The following JADE1 variants were observed in gnomAD, a reference collection of about 807,000 sequenced individuals.
The protein encoded by JADE1 is protein Jade-1.
In JADE1, 14 loss-of-function variants were observed where a neutral mutation model predicts 81.8. The observed-to-expected ratio is 0.17, with a 90% CI of 0.11 to 0.27. JADE1 has a LOEUF of 0.27. Ranked by LOEUF, JADE1 falls within the 10% of genes least tolerant of loss-of-function variation. The probability of loss-of-function intolerance (pLI) is 1.00; values close to 1 mark genes in which losing one functional copy is unlikely to be tolerated. For synonymous variants in JADE1, 353 were observed against 391.9 expected (o/e 0.90, Z 1.17); for missense variants, 690 against 1,047.9 (o/e 0.66, Z 4.71).
intron 5 of JADE1, among the ~76,000 whole-genome samples, chr4:128,851,057 A>G (rs1560760539): frequency 6.6e-6 from 1 of 152,148 alleles, no homozygotes; most frequent in Non-Finnish European, 1.5e-5. Context: ...CAGCCTCCCA[A>G]GTAGCTGGGA....
chr4:128,845,089 G>A (rs1729756480), intron 3 of JADE1, among the ~76,000 whole-genome samples: 1 of 152,238 alleles, frequency 6.6e-6, no homozygotes, highest in Non-Finnish European at 1.5e-5. Context: ...CTTTGGGCTG[G>A]TCCTGATGTC....
At chr4:128,839,295 C>T (rs12505447) in intron 2 of JADE1, among the ~76,000 whole-genome samples, 27,630 of 152,142 alleles carry the variant, frequency 0.18, 2,720 homozygotes, top group Middle Eastern at 0.33. Flanking sequence ...GCAGTTCCCT[C>T]GGGTTCACAA....
At chr4:128,825,388 ATTCT>A (rs1162122767) in intron 1 of JADE1, among the ~76,000 whole-genome samples, 6 of 152,116 alleles carry the variant, frequency 3.9e-5, no homozygotes, top group Admixed American at 2.0e-4. Flanking sequence ...TGACGTTCTC[ATTCT>A]TTCTTAGAAT....
At chr4:128,834,649 C>T (rs1728832674) in intron 2 of JADE1, among the ~76,000 whole-genome samples, 1 of 150,758 alleles carries the variant, frequency 6.6e-6, no homozygotes, top group Non-Finnish European at 1.5e-5. Context: ...ATTCTGCTGC[C>T]TCAGCCTCCG....
At chr4:128,852,400 C>A in intron 6 of JADE1, 132 bp downstream of exon 6, 1 of 684,772 alleles carries the variant, frequency 1.5e-6, no homozygotes, top group Non-Finnish European at 2.5e-6. Context: ...GAAATGTGCC[C>A]TATAGACTTT....
chr4:128,820,565 G>A (rs977275929), intron 1 of JADE1, among the ~76,000 whole-genome samples: 4 of 152,144 alleles, frequency 2.6e-5, no homozygotes, highest in East Asian at 1.9e-4. Flanking sequence ...TCATAATAAC[G>A]AGGCTTGTAC....
At position 128,872,860 on chromosome 4, in the gene JADE1, A is replaced by G; in HGVS notation, c.*598A>G. The G allele has an allele frequency of 2.2e-6, 1 of 452,668 alleles. No homozygotes were observed. Among genetic ancestry groups the G allele is most frequent in the Non-Finnish European group, 4.5e-6 (1 of 224,632 alleles). The allele number at this position is 452,668 out of a possible 1,614,324, so 28.0% of individuals were successfully genotyped here. A position where few individuals can be genotyped will look rare whatever the true frequency, so the allele number is the denominator to read the frequency against. On this transcript the variant is annotated 3_prime_UTR_variant, in exon 11 of 11. Transcript: ENST00000226319. ...GAATTTTAAAAAAGGTCATTATTGA[A>G]GAAGCTGAGGGGACAGGGTAGAGCT... is the stretch of plus-strand genomic sequence containing the variant.
At chr4:128,863,457 T>C (rs1579235182) in intron 9 of JADE1, 2 of 984,578 alleles carry the variant, frequency 2.0e-6, no homozygotes, top group East Asian at 1.1e-4. Flanking sequence ...CCTGATCTCA[T>C]GGAGACCTGC....
At chr4:128,855,881 T>G (rs1384837803) in intron 7 of JADE1, 84 bp downstream of exon 7, 1 of 1,241,346 alleles carries the variant, frequency 8.1e-7, no homozygotes, top group African/African-American at 1.5e-5. Flanking sequence ...TGCAGTGAGC[T>G]GGATCATGGC....
At position 128,872,851 on chromosome 4, in the gene JADE1, C is replaced by A. The variant is rs1204977234; in HGVS notation, c.*589C>A. On this transcript the variant is annotated 3_prime_UTR_variant, in exon 11 of 11. Transcript: ENST00000226319. ...CAGGGAAGAGAATTTTAAAAAAGGT[C>A]ATTATTGAAGAAGCTGAGGGGACAG... is the stretch of plus-strand genomic sequence containing the variant. 2 of 450,172 alleles carry A rather than the reference C, an allele frequency of 4.4e-6. No homozygotes were observed. The highest frequency in any genetic ancestry group is 3.1e-5 in the South Asian group (2 of 63,852). The allele number at this position is 450,172 out of a possible 1,614,324, so 27.9% of individuals were successfully genotyped here.
At chr4:128,842,253 T>C (rs1308883009) in intron 2 of JADE1, among the ~76,000 whole-genome samples, 1 of 152,186 alleles carries the variant, frequency 6.6e-6, no homozygotes, top group Non-Finnish European at 1.5e-5. Context: ...AACAGTGTTT[T>C]AGAAAGCTTC....
rs773444622 is a variant in JADE1 at position 128,872,031 on chromosome 4, C to T, written c.2298C>T (p.His766=). ...AACGGCAGCAGCAGGGAGAGGCCCA[C>T]GATGGGGCCTGCCACCAGCACTCAG... ...KGERQQQGEA[H]DGACHQHSDY... is the part of the protein sequence containing the mutation. Residue 766 remains histidine (H), a synonymous_variant, in exon 11 of 11, where the codon CAC becomes CAT. Transcript: ENST00000226319. 3.2e-5 allele frequency: 52 copies of T among 1,613,876 alleles called. No homozygotes were observed. Among genetic ancestry groups the T allele is most frequent in the Admixed American group, 6.7e-5 (4 of 60,006 alleles).
At chr4:128,819,843 G>C (rs1415822671) in intron 1 of JADE1, among the ~76,000 whole-genome samples, 1 of 152,138 alleles carries the variant, frequency 6.6e-6, no homozygotes, top group Non-Finnish European at 1.5e-5. Context: ...TGTACATCCA[G>C]GAGGAAGAAG....
intron 1 of JADE1, among the ~76,000 whole-genome samples, chr4:128,814,664 C>CT (rs1726832621): frequency 6.6e-6 from 1 of 150,590 alleles, no homozygotes; most frequent in Admixed American, 6.6e-5. Flanking sequence ...CAGGTTCAAG[C>CT]GATTCTCCTG....
intron 8 of JADE1, among the ~76,000 whole-genome samples, chr4:128,859,458 C>T (rs927838365): frequency 4.6e-5 from 7 of 151,120 alleles, no homozygotes; most frequent in East Asian, 2.0e-4. Context: ...CGCGTGAGTG[C>T]GTGAGTATGC....
intron 2 of JADE1, 64 bp downstream of exon 2, chr4:128,831,874 T>C (rs1240248755): frequency 7.1e-7 from 1 of 1,405,172 alleles, no homozygotes; most frequent in Non-Finnish European, 1.0e-6. Context: ...AACATGATTT[T>C]TTAATGTAAT....
At chr4:128,821,787 G>A (rs1727596533) in intron 1 of JADE1, among the ~76,000 whole-genome samples, 1 of 152,118 alleles carries the variant, frequency 6.6e-6, no homozygotes, top group Non-Finnish European at 1.5e-5. Context: ...CTCCCAAAGT[G>A]CTGGGATTAC....
At chr4:128,863,546 C>A (rs1282109324) in intron 9 of JADE1, 3 of 985,262 alleles carry the variant, frequency 3.0e-6, no homozygotes, top group Non-Finnish European at 3.6e-6. Flanking sequence ...GACTGAGTGC[C>A]AGCTTATTTG....
chr4:128,861,489 A>C (rs761259014), intron 8 of JADE1, among the ~76,000 whole-genome samples: 1 of 151,612 alleles, frequency 6.6e-6, no homozygotes, highest in Admixed American at 6.6e-5. Flanking sequence ...ACATAGGGAG[A>C]CCTCATCTCT....
Sources: allele counts gnomAD v4.1 joint callset (sites outside exome capture counted in the v4.1 genomes callset), GRCh38; gene constraint gnomAD v4.1.1; transcripts MANE v1.5; gene names NCBI Gene and HGNC (gene_info 2026-07-23, HGNC 2026-07-21).